PSMB2: variants seen among roughly 807,000 people sequenced by gnomAD.
PSMB2 encodes the protein proteasome 20S subunit beta 2.
Under a neutral mutation model 25.7 loss-of-function variants are expected in PSMB2, and 13 were observed. That is an observed-to-expected ratio of 0.51 (90% confidence interval 0.33 to 0.80). The LOEUF is 0.80. Among genes scored for constraint, PSMB2 ranks in the 30% least tolerant of loss-of-function variants. The pLI, the probability that PSMB2 is intolerant of heterozygous loss-of-function variation, is 0.02. For synonymous variants in PSMB2, 87 were observed against 96.2 expected, an observed-to-expected ratio of 0.90 and a Z score of 0.56; for missense variants, 202 against 259.0, an observed-to-expected ratio of 0.78 and a Z score of 1.51.
rs1453426870 is a variant in PSMB2, at chr1:35,599,990, G to A, written c.*3277C>T. Reference sequence around the variant, plus strand: ...TCTACAAAAAATTTTGACAAAATTAGCTGGGTGCAGTGGTGCACCCCTCTA... The same window carrying A: ...TCTACAAAAAATTTTGACAAAATTAACTGGGTGCAGTGGTGCACCCCTCTA... On this transcript the variant is annotated 3_prime_UTR_variant, in exon 6 of 6. Coordinates refer to ENST00000373237, the MANE Select transcript of PSMB2 (RefSeq NM_002794.5). 1 of 614,688 alleles carries A rather than the reference G, an allele frequency of 1.6e-6. No individual in the cohort carries two copies. The highest frequency in any genetic ancestry group is 2.0e-5 in the African/African-American group (1 of 49,766). 38.1% of individuals were successfully genotyped at this position (614,688 alleles called of 1,614,324 possible).
intron 3 of PSMB2, among the ~76,000 whole-genome samples, chr1:35,624,298 T>C (rs905815173): frequency 6.6e-6 from 1 of 152,196 alleles, no homozygotes. Context: ...CTCCCAAGGT[T>C]TTCAACTAAC....
Position 35,600,400 on chromosome 1 carries a change from T to C in PSMB2, c.*2867A>G, listed in dbSNP as rs138184145. On this transcript the variant is annotated 3_prime_UTR_variant, in exon 6 of 6. Coordinates refer to ENST00000373237, the MANE Select transcript of PSMB2 (RefSeq NM_002794.5). ...GGTTTCTCAGTTTTGACAAACATAC[T>C]GTGGTATATAGAAGATGTTAACATT... The C allele has an allele frequency of 9.3e-4, 755 of 808,664 alleles. 3 individuals are homozygous for C. In the African/African-American group the frequency reaches 0.013, roughly 14 times the overall value. The allele number at this position is 808,664 out of a possible 1,614,324, so 50.1% of individuals were successfully genotyped here. A position where few individuals can be genotyped will look rare whatever the true frequency, so the allele number is the denominator to read the frequency against.
At chr1:35,618,154 G>A (rs1650561576) in intron 3 of PSMB2, among the ~76,000 whole-genome samples, 1 of 152,206 alleles carries the variant, frequency 6.6e-6, no homozygotes, top group Non-Finnish European at 1.5e-5. Context: ...AAAAAGTAGA[G>A]GGGGCGGAGA....
intron 3 of PSMB2, among the ~76,000 whole-genome samples, chr1:35,625,549 T>A (rs986873410): frequency 6.6e-6 from 1 of 151,752 alleles, no homozygotes; most frequent in Admixed American, 6.6e-5. Flanking sequence ...GACCACGAGG[T>A]CAAGAGATCG....
intron 5 of PSMB2, among the ~76,000 whole-genome samples, chr1:35,603,591 C>T (rs1053161381): frequency 2.0e-5 from 3 of 152,140 alleles, no homozygotes; most frequent in Admixed American, 2.0e-4. Flanking sequence ...GGAGGCTGAA[C>T]TGGGAGGTGC....
chr1:35,601,263 G>T lies in PSMB2; in HGVS notation c.*2004C>A, dbSNP rs146114126. 956 of 666,704 alleles carry T rather than the reference G, an allele frequency of 1.4e-3. 3 individuals carry two copies. The highest frequency in any genetic ancestry group is 5.5e-3 in the African/African-American group (278 of 50,656). The allele number at this position is 666,704 out of a possible 1,614,324, so 41.3% of individuals were successfully genotyped here. On this transcript the variant is annotated 3_prime_UTR_variant, in exon 6 of 6. Transcript: ENST00000373237. ...TATATATTTTTTTAGTAGAGATGGG[G>T]TTTCACCATGTTGGCCAGGCTGGTC...
Position 35,602,898 on chromosome 1 carries a change from AG to A in PSMB2, c.*368del. On this transcript the variant is annotated 3_prime_UTR_variant, in exon 6 of 6. Transcript: ENST00000373237. Reference sequence around the variant, plus strand: ...TAATTAATTTAAAAATTTAAGTTTAAGGGCAAAAAGAACCACTACTTTAGAG... The same window carrying A: ...TAATTAATTTAAAAATTTAAGTTTAAGGCAAAAAGAACCACTACTTTAGAG... 2.0e-6 allele frequency: 2 copies of A among 986,976 alleles called. No individual in the cohort carries two copies. The highest frequency in any genetic ancestry group is 2.4e-6 in the Non-Finnish European group (2 of 825,986). The allele number at this position is 986,976 out of a possible 1,614,324, so 61.1% of individuals were successfully genotyped here.
intron 5 of PSMB2, among the ~76,000 whole-genome samples, chr1:35,604,664 C>A (rs1312923639): frequency 6.6e-6 from 1 of 152,126 alleles, no homozygotes; most frequent in Non-Finnish European, 1.5e-5. Context: ...AACTGTAATC[C>A]CAGCTACTCG....
At chr1:35,609,079 C>T (rs1239330456) in intron 4 of PSMB2, among the ~76,000 whole-genome samples, 167 bp downstream of exon 4, 1 of 152,148 alleles carries the variant, frequency 6.6e-6, no homozygotes, top group African/African-American at 2.4e-5. Context: ...TTTGGAAGAC[C>T]CTACTGACTG....
chr1:35,628,595 AAATATATATATATATATATATAT>A (rs1650965937), intron 3 of PSMB2, among the ~76,000 whole-genome samples: 1 of 12,062 alleles, frequency 8.3e-5, no homozygotes, highest in Non-Finnish European at 1.6e-4. Flanking sequence ...AAAAAAAAAA[AAATATATATATATATATATATAT>A]ATATATATAT....
Position 35,603,021 on chromosome 1 carries a change from A to C in PSMB2, c.*246T>G. On this transcript the variant is annotated 3_prime_UTR_variant, in exon 6 of 6. Coordinates refer to ENST00000373237, the MANE Select transcript of PSMB2 (RefSeq NM_002794.5). ...GTGGGGCCGTCAGCTGCTAAAGGGT[A>C]CTGAGCGTTAATGGAGGGCGGAGCA... is the stretch of plus-strand genomic sequence containing the variant. 8.0e-7 allele frequency: 1 copy of C among 1,243,046 alleles called. No homozygotes were observed. Among genetic ancestry groups the C allele is most frequent in the Non-Finnish European group, 1.0e-6 (1 of 988,194 alleles). The allele number at this position is 1,243,046 out of a possible 1,614,324, so 77.0% of individuals were successfully genotyped here.
At chr1:35,628,596 A>AAAAT (rs59538661) in intron 3 of PSMB2, among the ~76,000 whole-genome samples, 11 of 25,108 alleles carry the variant, frequency 4.4e-4, no homozygotes, top group Non-Finnish European at 6.9e-4. Flanking sequence ...AAAAAAAAAA[A>AAAAT]ATATATATAT....
chr1:35,627,681 T>C (rs904469287), intron 3 of PSMB2, among the ~76,000 whole-genome samples: 1 of 152,188 alleles, frequency 6.6e-6, no homozygotes, highest in African/African-American at 2.4e-5. Context: ...ATTATTACCT[T>C]ATTTAATCTT....
At chr1:35,635,249 A>C (rs1651212021) in intron 2 of PSMB2, among the ~76,000 whole-genome samples, 1 of 151,472 alleles carries the variant, frequency 6.6e-6, no homozygotes, top group East Asian at 2.0e-4. Context: ...ACAAGAGTGA[A>C]ACTCCATCTC....
At position 35,601,618 on chromosome 1, in the gene PSMB2, G is replaced by C; in HGVS notation, c.*1649C>G. The stretch of plus-strand genomic sequence containing the variant: ...CCCAATACTTTAATATGAACGTTAT[G>C]ATCAGTAGGTAGTATCTTAGATGAT... On this transcript the variant is annotated 3_prime_UTR_variant, in exon 6 of 6. Coordinates refer to ENST00000373237, the MANE Select transcript of PSMB2 (RefSeq NM_002794.5). The C allele has an allele frequency of 1.0e-6, 1 of 985,092 alleles. No homozygotes were observed. Among genetic ancestry groups the C allele is most frequent in the Non-Finnish European group, 1.2e-6 (1 of 829,660 alleles). The allele number at this position is 985,092 out of a possible 1,614,324, so 61.0% of individuals were successfully genotyped here.
chr1:35,633,170 G>A (rs1440427238), intron 2 of PSMB2, among the ~76,000 whole-genome samples: 2 of 150,354 alleles, frequency 1.3e-5, no homozygotes, highest in Admixed American at 6.6e-5. Context: ...GCAGTGGGCT[G>A]AGACTGCACC....
chr1:35,640,149 T>C (rs1651355841), intron 1 of PSMB2, among the ~76,000 whole-genome samples: 1 of 151,840 alleles, frequency 6.6e-6, no homozygotes, highest in African/African-American at 2.4e-5. Context: ...ATTTTGGTTG[T>C]TTTTCTGCAG....
chr1:35,614,813 C>T (rs1650447603), intron 3 of PSMB2, among the ~76,000 whole-genome samples: 1 of 152,198 alleles, frequency 6.6e-6, no homozygotes, highest in Admixed American at 6.5e-5. Context: ...ACTTCAGCTT[C>T]TAGCATGAGG....
intron 3 of PSMB2, among the ~76,000 whole-genome samples, chr1:35,616,874 AAAG>A (rs772844950): frequency 5.4e-4 from 82 of 152,326 alleles, no homozygotes; most frequent in Non-Finnish European, 1.0e-3. Flanking sequence ...TATTTTAATT[AAAG>A]AAGGACTTCA....
Sources: gnomAD v4.1 joint callset for allele counts (sites outside exome capture counted in the v4.1 genomes callset) on GRCh38, gnomAD v4.1.1 for gene constraint, MANE v1.5 for transcripts, NCBI Gene and HGNC (gene_info 2026-07-23, HGNC 2026-07-21) for gene names.